Variants in KIRREL3 observed in about 807,000 individuals in gnomAD.
KIRREL3 encodes the protein kirre like nephrin family adhesion molecule 3.
KIRREL3 carries 36 observed loss-of-function variants against 89.7 expected under a neutral mutation model. That is an observed-to-expected ratio of 0.40 (90% CI 0.31 to 0.53). The LOEUF (loss-of-function observed/expected upper bound fraction) is 0.53. KIRREL3 is among the 20% of genes least tolerant of loss of function. KIRREL3 has a pLI of 0.49. For missense variants in KIRREL3, 864 were observed against 1,056.6 expected (o/e 0.82, Z 2.53); for synonymous variants, 445 against 441.4 (o/e 1.01, Z -0.10).
intron 1 of KIRREL3, among the ~76,000 whole-genome samples, chr11:126,649,868 C>T (rs1323898623): frequency 1.3e-5 from 2 of 152,252 alleles, no homozygotes; most frequent in Admixed American, 6.5e-5. Context: ...TTCCCTTCTG[C>T]ACTGCTTTAG....
chr11:126,614,501 T>C lies in KIRREL3; in HGVS notation c.56-51589A>G, dbSNP rs1283424511. Among the ~76,000 whole-genome samples, 1 of 152,170 alleles carries C rather than the reference T, an allele frequency of 6.6e-6. No homozygotes were observed. On this transcript the variant is annotated intron_variant, in intron 1 of 16. Coordinates refer to ENST00000525144, the MANE Select transcript of KIRREL3 (RefSeq NM_032531.4). The surrounding 1 kb of genome is among the most constrained non-coding windows in gnomAD (Gnocchi z 4.6). The stretch of plus-strand genomic sequence containing the variant: ...CTACAGTGATACTCAGGCCCTTAGA[T>C]CAATTAAATCAGACTTTCTCATGAG...
chr11:126,487,939 A>T (rs909208821), intron 4 of KIRREL3, among the ~76,000 whole-genome samples: 2 of 152,264 alleles, frequency 1.3e-5, no homozygotes, highest in Non-Finnish European at 2.9e-5. Context: ...CGCAGCTTCC[A>T]CTACGGGGTG....
rs1388241196 is a variant in KIRREL3, at chr11:126,601,366, G to A, written c.56-38454C>T. Among the ~76,000 whole-genome samples, 4 of 152,302 alleles carry A rather than the reference G, an allele frequency of 2.6e-5. No homozygotes were observed. In the East Asian group the frequency reaches 5.8e-4, roughly 22 times the overall value. ...CCTGGGCCTGCTAATGCCCTGAGGC[G>A]ATGGGAACACAGCTCTGGGAGCACC... On this transcript the variant is annotated intron_variant, in intron 1 of 16. Transcript: ENST00000525144. The surrounding 1 kb of genome is among the most constrained non-coding windows in gnomAD (Gnocchi z 5.8).
intron 6 of KIRREL3, among the ~76,000 whole-genome samples, chr11:126,460,311 G>A (rs1337072915): frequency 6.6e-6 from 1 of 152,166 alleles, no homozygotes; most frequent in Non-Finnish European, 1.5e-5. Context: ...GTAGGTGTGG[G>A]GCACTCACAA....
intron 1 of KIRREL3, among the ~76,000 whole-genome samples, chr11:126,919,802 A>G (rs912076407): frequency 3.9e-5 from 6 of 152,220 alleles, no homozygotes; most frequent in African/African-American, 9.6e-5. Context: ...TAAGAGTTCC[A>G]AAGAGGACAG....
rs1958633013 is a variant in KIRREL3 at position 126,522,634 on chromosome 11, T to G, written c.284-1170A>C. Among the ~76,000 whole-genome samples, 1 of 152,252 alleles carries G rather than the reference T, an allele frequency of 6.6e-6. No individual in the cohort carries two copies. The highest frequency in any genetic ancestry group is 6.5e-5 in the Admixed American group (1 of 15,290). ...GTTGAATATAAATGCCAACTGAAGTTGTGGCTGGCCACCTTAGGCAGATCC... is the reference window on the plus strand; with the variant it reads ...GTTGAATATAAATGCCAACTGAAGTGGTGGCTGGCCACCTTAGGCAGATCC... On this transcript the variant is annotated intron_variant, in intron 3 of 16. Transcript: ENST00000525144. This position sits in a 1 kb window ranked among gnomAD's most constrained non-coding sequence, Gnocchi z 6.0.
At chr11:126,823,700 C>T (rs1943303402) in intron 1 of KIRREL3, among the ~76,000 whole-genome samples, 2 of 152,066 alleles carry the variant, frequency 1.3e-5, no homozygotes, top group African/African-American at 4.8e-5. Flanking sequence ...TTTTCAGCCA[C>T]AATAAATTAA....
rs775715016 is a variant in KIRREL3 at position 126,910,991 on chromosome 11, C to T, written c.55+89464G>A. On this transcript the variant is annotated intron_variant, in intron 1 of 16. Transcript: ENST00000525144. ...AAGGAAAGGTGGGCTTTATAACACC[C>T]TCTGCACCTGCCCTGGGCCACAGGG... Among the ~76,000 whole-genome samples the T allele has an allele frequency of 2.9e-4, 44 of 152,296 alleles. 1 individual carries two copies. Among genetic ancestry groups the T allele is most frequent in the Non-Finnish European group, 5.6e-4 (38 of 68,016 alleles).
intron 4 of KIRREL3, among the ~76,000 whole-genome samples, chr11:126,517,136 A>AGAGAGAGAGAGAGAGAGAGAG (rs1958437220): frequency 7.1e-6 from 1 of 140,810 alleles, no homozygotes; most frequent in African/African-American, 2.6e-5. Context: ...GAGAGAGAGA[A>AGAGAGAGAGAGAGAGAGAGAG]AGAGAGAGAG....
rs537610129 is a variant in KIRREL3 at position 126,471,172 on chromosome 11, A to C, written c.591+2137T>G. Among the ~76,000 whole-genome samples the C allele has an allele frequency of 3.9e-5, 6 of 152,198 alleles. No individual in the cohort carries two copies. Among genetic ancestry groups the C allele is most frequent in the Admixed American group, 3.3e-4 (5 of 15,286 alleles). On this transcript the variant is annotated intron_variant, in intron 5 of 16. Transcript: ENST00000525144. The surrounding 1 kb of genome is among the most constrained non-coding windows in gnomAD (Gnocchi z 5.4). The stretch of plus-strand genomic sequence containing the variant: ...CGGGAGTTTGAGACCAGCCTGACCA[A>C]CATGGAGTAACCCCGTCTCTTTTAA...
rs142142663 is a variant in KIRREL3 at position 126,651,086 on chromosome 11, G to T, written c.56-88174C>A. The stretch of plus-strand genomic sequence containing the variant: ...CCCATGATTCAAATTATCTCCCACC[G>T]GGTCCCTCCCACAACACATAGGAAT... On this transcript the variant is annotated intron_variant, in intron 1 of 16. Transcript: ENST00000525144. The surrounding 1 kb of genome is among the most constrained non-coding windows in gnomAD (Gnocchi z 4.6). Among the ~76,000 whole-genome samples, 97 of 152,206 alleles carry T rather than the reference G, an allele frequency of 6.4e-4. No individual in the cohort carries two copies. Among genetic ancestry groups the T allele is most frequent in the African/African-American group, 2.2e-3 (92 of 41,518 alleles).
chr11:126,834,510 G>A (rs996268491), intron 1 of KIRREL3, among the ~76,000 whole-genome samples: 8 of 152,194 alleles, frequency 5.3e-5, no homozygotes, highest in African/African-American at 1.9e-4. Context: ...GATGACATTG[G>A]CGATCATCTC....
chr11:126,937,422 A>C (rs1226349859), intron 1 of KIRREL3, among the ~76,000 whole-genome samples: 1 of 152,242 alleles, frequency 6.6e-6, no homozygotes, highest in Admixed American at 6.5e-5. Flanking sequence ...CTCTATCAGC[A>C]GATGTGGCAG....
chr11:126,619,388 C>G (rs1943487285), intron 1 of KIRREL3, among the ~76,000 whole-genome samples: 1 of 152,210 alleles, frequency 6.6e-6, no homozygotes, highest in African/African-American at 2.4e-5. Context: ...TAGGGCCCAC[C>G]TGCCATAGCG....
At chr11:126,603,242 T>G (rs978575715) in intron 1 of KIRREL3, among the ~76,000 whole-genome samples, 1 of 152,210 alleles carries the variant, frequency 6.6e-6, no homozygotes, top group Non-Finnish European at 1.5e-5. Flanking sequence ...TAAATTCCCA[T>G]TGAATACCGA....
At chr11:126,678,860 G>T (rs938766379) in intron 1 of KIRREL3, among the ~76,000 whole-genome samples, 1 of 152,162 alleles carries the variant, frequency 6.6e-6, no homozygotes, top group Non-Finnish European at 1.5e-5. Flanking sequence ...AAGATGGCTG[G>T]ACTTTAACTC....
At chr11:126,448,901 G>A (rs1955924578) in intron 8 of KIRREL3, 108 bp downstream of exon 8, 16 of 1,170,502 alleles carry the variant, frequency 1.4e-5, no homozygotes, top group African/African-American at 3.1e-5. Flanking sequence ...CGCTCATGAC[G>A]CATGAAGCTT....
intron 1 of KIRREL3, among the ~76,000 whole-genome samples, chr11:126,853,076 G>T (rs1284738970): frequency 1.3e-5 from 2 of 152,000 alleles, no homozygotes; most frequent in Admixed American, 6.6e-5. Flanking sequence ...TTGTGTTGTT[G>T]CTTTTTTTTT....
At chr11:126,935,598 C>T (rs911498032) in intron 1 of KIRREL3, 1 of 152,122 alleles carries the variant, frequency 6.6e-6, no homozygotes, top group Admixed American at 6.5e-5. Flanking sequence ...AACTGAAATG[C>T]TTATTACCAA....
Sources: gnomAD v4.1 joint callset for allele counts (sites outside exome capture counted in the v4.1 genomes callset) on GRCh38, gnomAD v4.1.1 for gene constraint, Gnocchi (gnomAD v3.1) non-coding constraint, MANE v1.5 for transcripts, NCBI Gene and HGNC (gene_info 2026-07-23, HGNC 2026-07-21) for gene names.